Variants in PLEKHG4 observed in about 807,000 individuals in gnomAD.
The protein encoded by PLEKHG4 is puratrophin-1.
A neutral mutation model predicts 136.9 loss-of-function variants in PLEKHG4; 85 were observed. That is an observed-to-expected ratio of 0.62 (90% CI 0.52 to 0.74). The LOEUF (loss-of-function observed/expected upper bound fraction) is 0.74, where lower values mean the gene tolerates loss of function less well. PLEKHG4 is among the 30% of genes least tolerant of loss of function. The pLI, the probability that PLEKHG4 is intolerant of heterozygous loss-of-function variation, is 0.00. For synonymous variants in PLEKHG4, 577 were observed against 646.9 expected (o/e 0.89, Z 1.64); for missense variants, 1,317 against 1,527.8 (o/e 0.86, Z 2.30).
intron 10 of PLEKHG4, 50 bp downstream of exon 10, chr16:67,282,691 C>T (rs370992176): frequency 2.5e-6 from 4 of 1,613,228 alleles, no homozygotes; most frequent in Non-Finnish European, 3.4e-6. Flanking sequence ...CAGACGTGAG[C>T]CCCCAGTCCA....
At position 67,280,175 on chromosome 16, in the gene PLEKHG4, A is replaced by G; in HGVS notation, c.131A>G (p.Lys44Arg). The G allele has an allele frequency of 6.2e-7, 1 of 1,613,942 alleles. No individual in the cohort carries two copies. The highest frequency in any genetic ancestry group is 8.5e-7 in the Non-Finnish European group (1 of 1,180,002). ...EEEPASQMHVKDPGPPRPPAG... is the reference protein window; with the variant it reads ...EEEPASQMHVRDPGPPRPPAG... Reference sequence around the variant, plus strand: ...GAACCTGCTTCCCAGATGCACGTTAAGGACCCAGGTCCTCCAAGACCACCA... The same window carrying G: ...GAACCTGCTTCCCAGATGCACGTTAGGGACCCAGGTCCTCCAAGACCACCA... Residue 44 changes from lysine (K) to arginine (R), a missense_variant, in exon 2 of 22, where the codon AAG (lysine) becomes AGG (arginine). Coordinates refer to ENST00000379344, the MANE Select transcript of PLEKHG4 (RefSeq NM_001129729.3). The surrounding 1 kb of genome is among the most constrained non-coding windows in gnomAD (Gnocchi z 4.4).
chr16:67,279,274 C>G (rs1246332924), upstream of PLEKHG4: 1 of 152,122 alleles, frequency 6.6e-6, no homozygotes, highest in Non-Finnish European at 1.5e-5. Flanking sequence ...TGCGACGCCG[C>G]GGGTGAGGCG....
rs1352276562 is a variant in PLEKHG4 at position 67,286,663 on chromosome 16, T to G, written c.2751T>G (p.Cys917Trp). 3.2e-6 allele frequency: 5 copies of G among 1,575,788 alleles called. No individual in the cohort carries two copies. Among genetic ancestry groups the G allele is most frequent in the Non-Finnish European group, 4.3e-6 (5 of 1,160,252 alleles). The part of the protein sequence containing the change: ...DLLAMDAIQG[C>W]DVNLKEQGQL... ...TGGCCATGGACGCCATCCAGGGCTG[T>G]GATGTGAGTCATCCCAGGGCAAGGG... Residue 917 changes from cysteine to tryptophan, a missense_variant, in exon 16 of 22, where the codon TGT (cysteine) becomes TGG (tryptophan). By Grantham distance (215) the Cys-to-Trp change is radical. Transcript: ENST00000379344.
In PLEKHG4 at chr16:67,284,196, T is replaced by C. The variant is rs976208210; in HGVS notation, c.1510-79T>C. ...GACAGACTTGATGGGGACATGTCGA[T>C]ATGTCAGCAGGAAGTATCTGAGTCT... On this transcript the variant is annotated intron_variant, in intron 11 of 21. Coordinates refer to ENST00000379344, the MANE Select transcript of PLEKHG4 (RefSeq NM_001129729.3). This position sits in a 1 kb window ranked among gnomAD's most constrained non-coding sequence, Gnocchi z 4.4. 9.5e-6 allele frequency: 12 copies of C among 1,262,160 alleles called. No homozygotes were observed. Among genetic ancestry groups the C allele is most frequent in the Non-Finnish European group, 1.2e-5 (11 of 884,230 alleles). The allele number at this position is 1,262,160 out of a possible 1,614,324, so 78.2% of individuals were successfully genotyped here.
chr16:67,279,813 C>T lies in PLEKHG4; in HGVS notation c.-169-63C>T, dbSNP rs1597374580. The T allele has an allele frequency of 1.6e-5, 9 of 556,982 alleles. No homozygotes were observed. In the East Asian group the frequency reaches 2.7e-4, roughly 17 times the overall value. 34.5% of individuals were successfully genotyped at this position (556,982 alleles called of 1,614,324 possible). On this transcript the variant is annotated intron_variant, in intron 1 of 21. Transcript: ENST00000379344. Reference sequence around the variant, plus strand: ...GGGTGGGCGCGCACGGAGCAGAGGCCCACGGGCGTCCGACGGGGGACCTGG... The same window carrying T: ...GGGTGGGCGCGCACGGAGCAGAGGCTCACGGGCGTCCGACGGGGGACCTGG...
At position 67,280,588 on chromosome 16, in the gene PLEKHG4, G is replaced by T. The variant is rs762551504; in HGVS notation, c.499+45G>T. ...GGAAGTCTGGGAAGGGAATGGGGAT[G>T]CCTGGAGAGATGAGTGTCAAGACTT... On this transcript the variant is annotated intron_variant, in intron 2 of 21. Transcript: ENST00000379344. This position sits in a 1 kb window ranked among gnomAD's most constrained non-coding sequence, Gnocchi z 4.4. 6 of 1,612,998 alleles carry T rather than the reference G, an allele frequency of 3.7e-6. 1 individual carries two copies. The Middle Eastern group carries it at 5.0e-4, about 133-fold the overall frequency.
rs2036639284 is a variant in PLEKHG4 at position 67,289,423 on chromosome 16, T to A, written c.*615T>A. ...TGGTGTCTCAGAGAAGGAGTCTAGG[T>A]CTTTGATGTGTGATTTAATCTTTTA... is the stretch of plus-strand genomic sequence containing the variant. On this transcript the variant is annotated 3_prime_UTR_variant, in exon 22 of 22. Coordinates refer to ENST00000379344, the MANE Select transcript of PLEKHG4 (RefSeq NM_001129729.3). The A allele has an allele frequency of 5.6e-6, 3 of 539,476 alleles. No individual in the cohort carries two copies. In the East Asian group the frequency reaches 9.0e-5, roughly 16 times the overall value. The allele number at this position is 539,476 out of a possible 1,614,324, so 33.4% of individuals were successfully genotyped here. A position where few individuals can be genotyped will look rare whatever the true frequency, so the allele number is the denominator to read the frequency against.
chr16:67,282,400 G>A (rs1464125569), intron 9 of PLEKHG4, 51 bp downstream of exon 9: 4 of 1,612,292 alleles, frequency 2.5e-6, no homozygotes, highest in Non-Finnish European at 3.4e-6. Flanking sequence ...CATATTCTAT[G>A]CCAGGACTCA....
chr16:67,288,219 C>T lies in PLEKHG4; in HGVS notation c.3273C>T (p.Leu1091=). 6.2e-7 allele frequency: 1 copy of T among 1,614,076 alleles called. No individual in the cohort carries two copies. The highest frequency in any genetic ancestry group is 8.5e-7 in the Non-Finnish European group (1 of 1,180,018). ...IAVAPFDHDS[L]YLGASNSLPG... ...TAGCCCCGTTTGACCATGACAGCCT[C>T]TACCTGGGGGCCTCGAACTCCCTTC... The change falls in exon 20 of 22, where the codon CTC becomes CTT. Residue 1091 remains leucine (L), a synonymous_variant. Transcript: ENST00000379344.
intron 11 of PLEKHG4, among the ~76,000 whole-genome samples, chr16:67,283,913 C>A: frequency 6.6e-6 from 1 of 151,756 alleles, no homozygotes. Context: ...GACGAGCCAC[C>A]AGAGAAGAGT....
chr16:67,281,686 C>T, intron 6 of PLEKHG4, 38 bp from the exon 7 acceptor site: 1 of 1,609,576 alleles, frequency 6.2e-7, no homozygotes, highest in Admixed American at 1.7e-5. Flanking sequence ...GGGGTGCCTC[C>T]CCCCAGGCCT....
Position 67,286,570 on chromosome 16 carries a change from G to A in PLEKHG4, c.2658G>A (p.Gln886=), listed in dbSNP as rs1178835924. ...CACGGGCCTGCGGGGGCCCCACGCA[G>A]GAGCTCAGTGCGCTGCGGGAGGCCC... The part of the protein sequence containing the change: ...ELARACGGPT[Q]ELSALREAQS... The change falls in exon 16 of 22, where the codon CAG becomes CAA. Residue 886 remains glutamine (Q), a synonymous_variant. Transcript: ENST00000379344. 1 of 1,562,698 alleles carries A rather than the reference G, an allele frequency of 6.4e-7. No individual in the cohort carries two copies.
rs1567440553 is a variant in PLEKHG4 at position 67,286,555 on chromosome 16, CG to C, written c.2648del (p.Gly883AlafsTer188). On this transcript the variant is annotated frameshift_variant, in exon 16 of 22. Coordinates refer to ENST00000379344, the MANE Select transcript of PLEKHG4 (RefSeq NM_001129729.3). LOFTEE classifies it high-confidence loss of function. ...TGCTGCAGGAGCTGGCACGGGCCTG[CG>C]GGGGCCCCACGCAGGAGCTCAGTGC... is the stretch of plus-strand genomic sequence containing the variant. ...LLLQELARACGGPTQELSALR... is the reference protein window; with the variant it reads ...LLLQELARACXGPTQELSALR... 6.4e-7 allele frequency: 1 copy of C among 1,567,366 alleles called. No homozygotes were observed.
In PLEKHG4 at chr16:67,280,864, A is replaced by C. The variant is rs2036183001; in HGVS notation, c.596-18A>C. The C allele has an allele frequency of 1.9e-6, 3 of 1,613,032 alleles. No homozygotes were observed. The highest frequency in any genetic ancestry group is 1.3e-5 in the African/African-American group (1 of 74,924). ...GAGTGGCCCAATACGGCAGGAGTTC[A>C]CTGCTTCCTCCCCACAGGGACTCGG... On this transcript the variant is annotated intron_variant, in intron 3 of 21. Coordinates refer to ENST00000379344, the MANE Select transcript of PLEKHG4 (RefSeq NM_001129729.3). This position sits in a 1 kb window ranked among gnomAD's most constrained non-coding sequence, Gnocchi z 4.4.
rs139825635 is a variant in PLEKHG4 at position 67,280,733 on chromosome 16, T to A, written c.522T>A (p.Pro174=). 247 of 1,614,084 alleles carry A rather than the reference T, an allele frequency of 1.5e-4. 3 individuals are homozygous for A. The African/African-American group carries it at 2.7e-3, about 17-fold the overall frequency. Residue 174 remains proline (P), a synonymous_variant, in exon 3 of 22, where the codon CCT becomes CCA. Coordinates refer to ENST00000379344, the MANE Select transcript of PLEKHG4 (RefSeq NM_001129729.3). The surrounding 1 kb of genome is among the most constrained non-coding windows in gnomAD (Gnocchi z 4.4). ...AAGCCCCCAGTGGATCCGGCCTCCCTAAGCCTGCTGACTGCCTCCTGGCCC... is the reference window on the plus strand; with the variant it reads ...AAGCCCCCAGTGGATCCGGCCTCCCAAAGCCTGCTGACTGCCTCCTGGCCC... ...LEAAPSGSGL[P]KPADCLLAQD...
intron 14 of PLEKHG4, among the ~76,000 whole-genome samples, chr16:67,285,766 G>T (rs1302666463): frequency 1.3e-5 from 2 of 152,210 alleles, no homozygotes; most frequent in Non-Finnish European, 2.9e-5. Context: ...AGATGCTTGT[G>T]AATTACTGGC....
Position 67,289,339 on chromosome 16 carries a change from G to A in PLEKHG4, c.*531G>A. On this transcript the variant is annotated 3_prime_UTR_variant, in exon 22 of 22. Transcript: ENST00000379344. ...GGCAGTTTCGTTATTTTGACTTGAT[G>A]CCTTTTGAATAACTTTCAATAGAAT... The A allele has an allele frequency of 2.1e-6, 1 of 479,444 alleles. No homozygotes were observed. Among genetic ancestry groups the A allele is most frequent in the Non-Finnish European group, 3.7e-6 (1 of 272,618 alleles). The allele number at this position is 479,444 out of a possible 1,614,324, so 29.7% of individuals were successfully genotyped here. A position where few individuals can be genotyped will look rare whatever the true frequency, so the allele number is the denominator to read the frequency against.
chr16:67,281,698 G>C lies in PLEKHG4; in HGVS notation c.892-26G>C, dbSNP rs753505177. On this transcript the variant is annotated intron_variant, in intron 6 of 21. Coordinates refer to ENST00000379344, the MANE Select transcript of PLEKHG4 (RefSeq NM_001129729.3). ...GGTGGGGTGCCTCCCCCCAGGCCTG[G>C]GTCACAACACCTTCTTCTCCTGTAG... is the stretch of plus-strand genomic sequence containing the variant. 68 of 1,613,290 alleles carry C rather than the reference G, an allele frequency of 4.2e-5. 1 individual carries two copies. The highest frequency in any genetic ancestry group is 4.1e-5 in the Non-Finnish European group (48 of 1,179,386).
At position 67,287,171 on chromosome 16, in the gene PLEKHG4, A is replaced by G. The variant is rs1233443447; in HGVS notation, c.3097A>G (p.Asn1033Asp). The G allele has an allele frequency of 8.7e-6, 14 of 1,607,398 alleles. No homozygotes were observed. Among genetic ancestry groups the G allele is most frequent in the Non-Finnish European group, 1.2e-5 (14 of 1,179,958 alleles). The change falls in exon 18 of 22, where the codon AAC (asparagine) becomes GAC (aspartate). Residue 1033 changes from asparagine (N) to aspartate (D), a missense_variant. Physicochemically the swap from Asn to Asp is conservative, Grantham distance 23 (BLOSUM62 1). Coordinates refer to ENST00000379344, the MANE Select transcript of PLEKHG4 (RefSeq NM_001129729.3). Reference sequence around the variant, plus strand: ...CCTGCTTTGGAGGCAGGCCGTCCACAACAAGGGTGGGTCCATGCCCCTCCT... The same window carrying G: ...CCTGCTTTGGAGGCAGGCCGTCCACGACAAGGGTGGGTCCATGCCCCTCCT... Reference protein sequence around the residue: ...SHLLWRQAVHNKEVRMAEMVS... With the variant: ...SHLLWRQAVHDKEVRMAEMVS...
Sources: allele counts gnomAD v4.1 joint callset (sites outside exome capture counted in the v4.1 genomes callset), GRCh38; gene constraint gnomAD v4.1.1; non-coding constraint Gnocchi (gnomAD v3.1); transcripts MANE v1.5; gene names NCBI Gene and HGNC (gene_info 2026-07-23, HGNC 2026-07-21).